The following GRHPR variants were observed in gnomAD, a reference collection of about 807,000 sequenced individuals.
GRHPR encodes the protein glyoxylate reductase/hydroxypyruvate reductase.
In GRHPR, 35 loss-of-function variants were observed where a neutral mutation model predicts 36.8. The ratio of observed to expected loss-of-function variants is 0.95; its 90% CI spans 0.73 to 1.26. GRHPR has a LOEUF of 1.26. Among genes scored for constraint, GRHPR ranks in the 50% most tolerant of loss-of-function variants. The pLI, the probability that GRHPR is intolerant of heterozygous loss-of-function variation, is 0.00. For missense variants in GRHPR, 380 were observed against 435.0 expected (o/e 0.87, Z 1.12); for synonymous variants, 179 against 181.0 (o/e 0.99, Z 0.09).
chr9:37,437,345 C>T (rs898566681), downstream of GRHPR, among the ~76,000 whole-genome samples: 3 of 152,186 alleles, frequency 2.0e-5, no homozygotes, highest in African/African-American at 7.2e-5. Context: ...CCCCAGCCCT[C>T]AGCCCTGGGC....
chr9:37,422,722 C>G lies in GRHPR; in HGVS notation c.-29C>G, dbSNP rs1400903452. 7 of 1,530,432 alleles carry G rather than the reference C, an allele frequency of 4.6e-6. No homozygotes were observed. Among genetic ancestry groups the G allele is most frequent in the South Asian group, 1.2e-5 (1 of 84,154 alleles). 94.8% of individuals were successfully genotyped at this position (1,530,432 alleles called of 1,614,324 possible). A position where few individuals can be genotyped will look rare whatever the true frequency, so the allele number is the denominator to read the frequency against. ...CATTCCCGGGCCAGCTTCTGTACTG[C>G]CAGGTCCGGGTCGGCGGCTGCACTG... On this transcript the variant is annotated 5_prime_UTR_variant, in exon 1 of 9. Coordinates refer to ENST00000318158, the MANE Select transcript of GRHPR (RefSeq NM_012203.2).
At chr9:37,423,753 C>A (rs1028934829) in intron 1 of GRHPR, among the ~76,000 whole-genome samples, 2 of 152,226 alleles carry the variant, frequency 1.3e-5, no homozygotes, top group African/African-American at 4.8e-5. Flanking sequence ...GGATTACAGG[C>A]ATGAACCACT....
downstream of GRHPR, chr9:37,439,085 CAT>C (rs565528767): frequency 2.6e-5 from 4 of 152,214 alleles, no homozygotes; most frequent in Admixed American, 1.3e-4. Context: ...CTATATAAAA[CAT>C]AAAATGAACT....
chr9:37,432,600 C>T (rs951129438), intron 8 of GRHPR: 36 of 224,778 alleles, frequency 1.6e-4, no homozygotes, highest in African/African-American at 6.6e-4. Context: ...ATCGCTTGAA[C>T]CCAGGAGGCA....
chr9:37,429,919 G>A, intron 6 of GRHPR, 83 bp downstream of exon 6: 1 of 838,986 alleles, frequency 1.2e-6, no homozygotes, highest in Non-Finnish European at 2.1e-6. Flanking sequence ...GCATTTTCAG[G>A]CAGAGGGCAG....
At position 37,424,985 on chromosome 9, in the gene GRHPR, G is replaced by A. The variant is rs1420474786; in HGVS notation, c.214+10G>A. ...ATCCTGGATGCTGCAGGTGCACACT[G>A]GGTGGGCAGGGGACTTGAGGGTGGC... On this transcript the variant is annotated intron_variant, in intron 2 of 8. Transcript: ENST00000318158. 1.2e-6 allele frequency: 2 copies of A among 1,610,630 alleles called. No individual in the cohort carries two copies. The highest frequency in any genetic ancestry group is 2.2e-5 in the East Asian group (1 of 44,872).
Position 37,425,110 on chromosome 9 carries a change from G to A in GRHPR, c.214+135G>A, listed in dbSNP as rs1302099745. On this transcript the variant is annotated intron_variant, in intron 2 of 8. Coordinates refer to ENST00000318158, the MANE Select transcript of GRHPR (RefSeq NM_012203.2). ...TTTCCTGCGATACCAGGCCCGAGCGGGCAGATAGCTTGCTCTGGCACAGGC... is the reference window on the plus strand; with the variant it reads ...TTTCCTGCGATACCAGGCCCGAGCGAGCAGATAGCTTGCTCTGGCACAGGC... 4 of 870,878 alleles carry A rather than the reference G, an allele frequency of 4.6e-6. No homozygotes were observed. The Admixed American group carries it at 8.7e-5, about 19-fold the overall frequency. 53.9% of individuals were successfully genotyped at this position (870,878 alleles called of 1,614,324 possible). A position where few individuals can be genotyped will look rare whatever the true frequency, so the allele number is the denominator to read the frequency against.
Position 37,436,822 on chromosome 9 carries a change from C to G in GRHPR, c.*40C>G. ...TGGAGGGCCGGGAAGCAAACCGTGC[C>G]CTGGTATTGTCAGACACACCCAGGC... is the stretch of plus-strand genomic sequence containing the variant. On this transcript the variant is annotated 3_prime_UTR_variant, in exon 9 of 9. Coordinates refer to ENST00000318158, the MANE Select transcript of GRHPR (RefSeq NM_012203.2). 3 of 1,611,956 alleles carry G rather than the reference C, an allele frequency of 1.9e-6. No individual in the cohort carries two copies. In the South Asian group the frequency reaches 3.3e-5, roughly 18 times the overall value.
intron 8 of GRHPR, among the ~76,000 whole-genome samples, chr9:37,436,066 C>T (rs1266790086): frequency 2.6e-5 from 4 of 152,198 alleles, no homozygotes; most frequent in African/African-American, 9.7e-5. Flanking sequence ...GCATCATTTT[C>T]AAGGGCACAT....
At chr9:37,429,221 C>T (rs1048855738) in intron 5 of GRHPR, 45 of 255,462 alleles carry the variant, frequency 1.8e-4, no homozygotes, top group Non-Finnish European at 1.3e-4. Flanking sequence ...CTTTGGGGCA[C>T]GTTCTGAGCC....
At chr9:37,424,820 C>A in intron 1 of GRHPR, 25 bp from the exon 2 acceptor site, 1 of 1,610,860 alleles carries the variant, frequency 6.2e-7, no homozygotes, top group South Asian at 1.1e-5. Context: ...TCCTGCTTCT[C>A]CTGAGGGCCT....
intron 3 of GRHPR, chr9:37,426,329 C>T: frequency 1.6e-6 from 1 of 638,110 alleles, no homozygotes; most frequent in South Asian, 1.8e-5. Flanking sequence ...AGTCCCTGAA[C>T]CCTGATCTTC....
At chr9:37,439,424 C>CAAAT (rs1452294051), downstream of GRHPR, 1 of 152,196 alleles carries the variant, frequency 6.6e-6, no homozygotes, top group Non-Finnish European at 1.5e-5. Context: ...GGGGGAGCAA[C>CAAAT]AAATAATAAA....
In GRHPR at chr9:37,424,920, C is replaced by A. The variant is rs781026957; in HGVS notation, c.159C>A (p.His53Gln). 6.2e-7 allele frequency: 1 copy of A among 1,612,330 alleles called. No individual in the cohort carries two copies. Among genetic ancestry groups the A allele is most frequent in the South Asian group, 1.1e-5 (1 of 91,034 alleles). The stretch of plus-strand genomic sequence containing the variant: ...TAGAGCGAGGTGTGGCGGGGGCCCA[C>A]GGCCTGCTCTGCCTCCTCTCCGACC... The part of the protein sequence containing the change: ...KELERGVAGA[H>Q]GLLCLLSDHV... Residue 53 changes from histidine to glutamine, a missense_variant, in exon 2 of 9, where the codon CAC (histidine) becomes CAA (glutamine). By Grantham distance (24) the His-to-Gln change is conservative. Coordinates refer to ENST00000318158, the MANE Select transcript of GRHPR (RefSeq NM_012203.2).
intron 7 of GRHPR, 121 bp from the exon 8 acceptor site, chr9:37,431,865 ATACTGTAAGTATACCTAAGACT>A (rs1823383835): frequency 1.2e-6 from 1 of 813,196 alleles, no homozygotes; most frequent in Non-Finnish European, 2.1e-6. Context: ...ACTTACAGAC[ATACTGTAAGTATACCTAAGACT>A]TACTGCTTTA....
upstream of GRHPR, chr9:37,422,522 C>CA (rs2118847128): frequency 1.8e-6 from 1 of 565,588 alleles, no homozygotes; most frequent in East Asian, 3.3e-5. Context: ...GGCGCACCCC[C>CA]CCACACACAC....
In GRHPR at chr9:37,430,496, C is replaced by G. The variant is rs958130614; in HGVS notation, c.599-15C>G. The G allele has an allele frequency of 6.2e-7, 1 of 1,611,396 alleles. No homozygotes were observed. The highest frequency in any genetic ancestry group is 8.5e-7 in the Non-Finnish European group (1 of 1,177,478). ...CCTGGGACTCAGTGCCTGATGGAGT[C>G]CTGCCCTCCCTCAGTGTCTACCCCT... On this transcript the variant is annotated splice_polypyrimidine_tract_variant and intron_variant, in intron 6 of 8. Coordinates refer to ENST00000318158, the MANE Select transcript of GRHPR (RefSeq NM_012203.2).
In GRHPR at chr9:37,436,817, C is replaced by T. The variant is rs1289071698; in HGVS notation, c.*35C>T. 33 of 1,612,634 alleles carry T rather than the reference C, an allele frequency of 2.0e-5. No individual in the cohort carries two copies. The highest frequency in any genetic ancestry group is 2.5e-5 in the Non-Finnish European group (30 of 1,178,852). ...AGAGATGGAGGGCCGGGAAGCAAAC[C>T]GTGCCCTGGTATTGTCAGACACACC... On this transcript the variant is annotated 3_prime_UTR_variant, in exon 9 of 9. Transcript: ENST00000318158.
At position 37,432,032 on chromosome 9, in the gene GRHPR, C is replaced by G. The variant is rs770585067; in HGVS notation, c.759C>G (p.Asp253Glu). The G allele has an allele frequency of 6.8e-6, 11 of 1,614,188 alleles. No individual in the cohort carries two copies. The highest frequency in any genetic ancestry group is 9.3e-6 in the Non-Finnish European group (11 of 1,180,014). The change falls in exon 8 of 9, where the codon GAC becomes GAG. Residue 253 changes from aspartate (D) to glutamate (E), a missense_variant. By Grantham distance (45) the Asp-to-Glu change is conservative. Transcript: ENST00000318158. ...GGGGCGACGTCGTAAACCAGGACGA[C>G]CTGTACCAGGCCTTGGCCAGTGGTA... The part of the protein sequence containing the change: ...ISRGDVVNQD[D>E]LYQALASGKI...
Sources: gnomAD v4.1 joint callset for allele counts (sites outside exome capture counted in the v4.1 genomes callset) on GRCh38, gnomAD v4.1.1 for gene constraint, MANE v1.5 for transcripts, NCBI Gene and HGNC (gene_info 2026-07-23, HGNC 2026-07-21) for gene names.